CASP5: variants seen among roughly 807,000 people sequenced by gnomAD.
The protein encoded by CASP5 is caspase 5.
CASP5 carries 42 observed loss-of-function variants against 45.2 expected under a neutral mutation model. The ratio of observed to expected loss-of-function variants is 0.93; its 90% CI spans 0.73 to 1.20. The LOEUF is 1.20. CASP5 is among the 50% of genes most tolerant of loss of function. The probability of loss-of-function intolerance (pLI) is 0.00; values close to 1 mark genes in which losing one functional copy is unlikely to be tolerated. For missense variants in CASP5, 512 were observed against 532.2 expected (o/e 0.96, Z 0.37); for synonymous variants, 209 against 186.2 (o/e 1.12, Z -1.00).
At chr11:105,005,346 G>GTA (rs1299128613) in intron 3 of CASP5, among the ~76,000 whole-genome samples, 42 of 126,742 alleles carry the variant, frequency 3.3e-4, no homozygotes, top group African/African-American at 9.6e-4. Context: ...TATATAGTGT[G>GTA]TATATATATA....
At chr11:105,002,637 T>C (rs1861795917) in intron 4 of CASP5, among the ~76,000 whole-genome samples, 1 of 152,250 alleles carries the variant, frequency 6.6e-6, no homozygotes. Context: ...TTCAAATATA[T>C]TTTATGTCTA....
intron 7 of CASP5, 52 bp downstream of exon 7, chr11:104,998,833 A>G: frequency 6.3e-7 from 1 of 1,576,944 alleles, no homozygotes; most frequent in South Asian, 1.2e-5. Flanking sequence ...AGAATCATTC[A>G]AAGGTGGCCT....
At position 105,008,885 on chromosome 11, in the gene CASP5, G is replaced by C. The variant is rs769131205; in HGVS notation, c.103C>G (p.Leu35Val). The change falls in exon 2 of 10, where the codon CTA becomes GTA. Residue 35 changes from leucine to valine, a missense_variant. Transcript: ENST00000260315. The stretch of plus-strand genomic sequence containing the variant: ...GTTTGTCCAGCCACGTTGTTCTTTA[G>C]CATGTGGTTTATCACGAAGTTATCC... ...GLDNFVINHMLKNNVAGQTSI... is the reference protein window; with the variant it reads ...GLDNFVINHMVKNNVAGQTSI... The C allele has an allele frequency of 3.7e-6, 6 of 1,612,982 alleles. No individual in the cohort carries two copies. The highest frequency in any genetic ancestry group is 5.1e-6 in the Non-Finnish European group (6 of 1,179,334).
At chr11:105,022,284 C>A (rs1220295983) in intron 1 of CASP5, among the ~76,000 whole-genome samples, 1 of 151,324 alleles carries the variant, frequency 6.6e-6, no homozygotes, top group African/African-American at 2.4e-5. Context: ...ACATTGTGCA[C>A]ATGTACCCTA....
intron 1 of CASP5, among the ~76,000 whole-genome samples, chr11:105,019,939 A>G (rs1012433664): frequency 3.4e-5 from 5 of 145,942 alleles, no homozygotes; most frequent in Non-Finnish European, 7.6e-5. Context: ...CTAGCAGCAC[A>G]TCAAAAAGCT....
intron 1 of CASP5, among the ~76,000 whole-genome samples, chr11:105,015,976 A>C (rs1862568683): frequency 2.6e-5 from 4 of 152,232 alleles, no homozygotes; most frequent in South Asian, 4.1e-4. Context: ...GGAAAAATGA[A>C]TAAGTATATT....
intron 8 of CASP5, 88 bp from the exon 9 acceptor site, chr11:104,995,930 A>C: frequency 1.2e-6 from 1 of 815,558 alleles, no homozygotes; most frequent in Non-Finnish European, 2.1e-6. Flanking sequence ...GCCTGAATGA[A>C]GAGAGCTTCC....
intron 8 of CASP5, 53 bp from the exon 9 acceptor site, chr11:104,995,895 C>T (rs1861449056): frequency 2.8e-6 from 3 of 1,087,810 alleles, no homozygotes; most frequent in Non-Finnish European, 4.2e-6. Context: ...TCTCAGAATG[C>T]ATCTTACACC....
At chr11:105,007,541 C>T (rs1222471651) in intron 2 of CASP5, among the ~76,000 whole-genome samples, 2 of 152,058 alleles carry the variant, frequency 1.3e-5, no homozygotes, top group Non-Finnish European at 2.9e-5. Context: ...CAATTCATTT[C>T]CTCTTAAATT....
At chr11:105,016,352 G>A (rs898606448) in intron 1 of CASP5, among the ~76,000 whole-genome samples, 1 of 152,188 alleles carries the variant, frequency 6.6e-6, no homozygotes, top group African/African-American at 2.4e-5. Context: ...CTCCCAGCGT[G>A]AGCGAGCAGA....
chr11:105,003,005 T>C (rs1175206728), intron 4 of CASP5, among the ~76,000 whole-genome samples: 2 of 150,754 alleles, frequency 1.3e-5, no homozygotes, highest in African/African-American at 2.4e-5. Flanking sequence ...GAGAACAGAC[T>C]GGACAACATA....
At chr11:105,013,050 G>A (rs1313164909) in intron 1 of CASP5, among the ~76,000 whole-genome samples, 1 of 151,914 alleles carries the variant, frequency 6.6e-6, no homozygotes, top group Non-Finnish European at 1.5e-5. Flanking sequence ...ATGAATGGAT[G>A]GAGAAAGTAT....
Position 105,008,924 on chromosome 11 carries a change from G to T in CASP5, c.64C>A (p.Leu22Ile), listed in dbSNP as rs1450468813. 6.2e-7 allele frequency: 1 copy of T among 1,612,638 alleles called. No homozygotes were observed. The highest frequency in any genetic ancestry group is 8.5e-7 in the Non-Finnish European group (1 of 1,179,220). The change falls in exon 2 of 10, where the codon CTT becomes ATT. Residue 22 changes from leucine (L) to isoleucine (I), a missense_variant. Transcript: ENST00000260315. The stretch of plus-strand genomic sequence containing the variant: ...ACGAAGTTATCCAATCCACTCTGAA[G>T]GATACCTTTGAACATAGCTTCAAAA... ...KNFEAMFKGI[L>I]QSGLDNFVIN...
At position 104,997,373 on chromosome 11, in the gene CASP5, G is replaced by A. The variant is rs767467723; in HGVS notation, c.1206+10C>T. On this transcript the variant is annotated intron_variant, in intron 8 of 9. Transcript: ENST00000260315. ...TAAGTAAATGACTAGAAAAGGAAATGGAAGCTTACCTTCCGAAATATTTCC... is the reference window on the plus strand; with the variant it reads ...TAAGTAAATGACTAGAAAAGGAAATAGAAGCTTACCTTCCGAAATATTTCC... The A allele has an allele frequency of 1.0e-5, 16 of 1,537,098 alleles. No homozygotes were observed. In the Admixed American group the frequency reaches 1.8e-4, roughly 18 times the overall value.
chr11:105,020,354 T>A (rs1281927931), intron 1 of CASP5, among the ~76,000 whole-genome samples: 459 of 151,830 alleles, frequency 3.0e-3, no homozygotes, highest in African/African-American at 0.01. Context: ...TTAGGAAAAG[T>A]GGAAGTCAAA....
intron 9 of CASP5, chr11:104,995,216 C>A (rs1861404368): frequency 6.6e-6 from 1 of 152,330 alleles, no homozygotes; most frequent in African/African-American, 2.4e-5. Flanking sequence ...AGTCTAATTT[C>A]TCATGGTCGT....
At chr11:105,002,253 C>T (rs772866440) in intron 4 of CASP5, 52 bp from the exon 5 acceptor site, 2 of 1,574,864 alleles carry the variant, frequency 1.3e-6, no homozygotes, top group Admixed American at 3.5e-5. Context: ...TCTTTTCAAC[C>T]CCCATATGCC....
chr11:105,014,850 G>A (rs142616503), intron 1 of CASP5, among the ~76,000 whole-genome samples: 1 of 152,258 alleles, frequency 6.6e-6, no homozygotes, highest in East Asian at 1.9e-4. Flanking sequence ...ACGAGCAGAT[G>A]CTCAAAAAAA....
In CASP5 at chr11:105,007,070, G is replaced by C; in HGVS notation, c.433+13C>G. 1 of 1,604,208 alleles carries C rather than the reference G, an allele frequency of 6.2e-7. No homozygotes were observed. Among genetic ancestry groups the C allele is most frequent in the East Asian group, 2.2e-5 (1 of 44,794 alleles). On this transcript the variant is annotated intron_variant, in intron 3 of 9. Transcript: ENST00000260315. ...AAAATTTAACATATTTATCGTGTTAGATGCAACCTTACGTTTTACACTGGT... is the reference window on the plus strand; with the variant it reads ...AAAATTTAACATATTTATCGTGTTACATGCAACCTTACGTTTTACACTGGT...
Sources: allele counts gnomAD v4.1 joint callset (sites outside exome capture counted in the v4.1 genomes callset), GRCh38; gene constraint gnomAD v4.1.1; transcripts MANE v1.5; gene names NCBI Gene and HGNC (gene_info 2026-07-23, HGNC 2026-07-21).